CUBN: variants seen among roughly 807,000 people sequenced by gnomAD.
CUBN encodes the protein cubilin, also known as 460 kDa receptor.
In CUBN, 282 loss-of-function variants were observed where a neutral mutation model predicts 405.3. The observed-to-expected ratio is 0.70, with a 90% confidence interval of 0.63 to 0.77. The LOEUF (loss-of-function observed/expected upper bound fraction) is 0.77. CUBN is among the 30% of genes least tolerant of loss of function. The pLI is 0.00. For missense variants in CUBN, 4,514 were observed against 4,475.2 expected (o/e 1.01, Z -0.25); for synonymous variants, 1,684 against 1,617.0 (o/e 1.04, Z -0.99).
intron 6 of CUBN, among the ~76,000 whole-genome samples, chr10:17,119,430 C>T (rs1300570051): frequency 6.6e-6 from 1 of 152,100 alleles, no homozygotes; most frequent in African/African-American, 2.4e-5. Flanking sequence ...GTGGCTGAAG[C>T]GGGCAGATCA....
rs1328757937 is a variant in CUBN at position 16,919,967 on chromosome 10, G to T, written c.6817C>A (p.Pro2273Thr). Residue 2273 changes from proline (P) to threonine (T), a missense_variant, in exon 44 of 67, where the codon CCC becomes ACC. Pro to Thr is a conservative substitution (Grantham distance 38). Around this residue, in one of 5 missense-constraint regions of CUBN, gnomAD observed 1,613 missense variants for 1,542.8 expected, o/e 1.05. Coordinates refer to ENST00000377833, the MANE Select transcript of CUBN (RefSeq NM_001081.4). ...ATGAAAATGGAAGTGACATACTTGGGTGTTACTTCAATATCGAATCGATCT... is the reference window on the plus strand; with the variant it reads ...ATGAAAATGGAAGTGACATACTTGGTTGTTACTTCAATATCGAATCGATCT... ...FEDRFDIEVT[P>T]NCTSNYLELR... The T allele has an allele frequency of 1.9e-6, 3 of 1,612,754 alleles. No individual in the cohort carries two copies. The highest frequency in any genetic ancestry group is 3.3e-5 in the Admixed American group (2 of 59,984).
At chr10:17,000,916 G>A (rs775160815) in intron 28 of CUBN, among the ~76,000 whole-genome samples, 2 of 152,160 alleles carry the variant, frequency 1.3e-5, no homozygotes, top group African/African-American at 2.4e-5. Flanking sequence ...TCTTGGTCTC[G>A]CTGACTTCAA....
intron 63 of CUBN, 78 bp downstream of exon 63, chr10:16,836,157 G>T: frequency 1.5e-6 from 2 of 1,374,940 alleles, no homozygotes; most frequent in East Asian, 4.6e-5. Flanking sequence ...GTCAATTCTA[G>T]AAATAATTGT....
rs1042802843 is a variant in CUBN at position 16,869,569 on chromosome 10, G to A, written c.9454+67C>T. 289 of 1,043,206 alleles carry A rather than the reference G, an allele frequency of 2.8e-4. No homozygotes were observed. The African/African-American group carries it at 4.2e-3, about 15-fold the overall frequency. 64.6% of individuals were successfully genotyped at this position (1,043,206 alleles called of 1,614,324 possible). The stretch of plus-strand genomic sequence containing the variant: ...AATCAGGTGGGGGTGGGGGGGGGGC[G>A]GGGAAATTAAATAAAGCAGAAAGGT... On this transcript the variant is annotated intron_variant, in intron 59 of 66. Coordinates refer to ENST00000377833, the MANE Select transcript of CUBN (RefSeq NM_001081.4).
rs1301102404 is a variant in CUBN, at chr10:16,952,341, G to T, written c.4904C>A (p.Pro1635Gln). ...LTSSFDTVSS[P>Q]RFPANYPNNQ... ...GTTTGGATAATTGGCAGGGAACCGT[G>T]GAGAGGAAACAGTATCAAATGAGCT... The change falls in exon 33 of 67, where the codon CCA becomes CAA. Residue 1635 changes from proline to glutamine, a missense_variant. By Grantham distance (76) the Pro-to-Gln change is moderately conservative. Coordinates refer to ENST00000377833, the MANE Select transcript of CUBN (RefSeq NM_001081.4). 6.2e-7 allele frequency: 1 copy of T among 1,613,866 alleles called. No individual in the cohort carries two copies. Among genetic ancestry groups the T allele is most frequent in the African/African-American group, 1.3e-5 (1 of 74,928 alleles).
chr10:17,090,408 A>G (rs995357193), intron 14 of CUBN, among the ~76,000 whole-genome samples: 5 of 149,314 alleles, frequency 3.3e-5, no homozygotes, highest in Non-Finnish European at 6.0e-5. Context: ...AAGGGACAGG[A>G]AAAAAAAAAG....
intron 22 of CUBN, among the ~76,000 whole-genome samples, chr10:17,061,027 C>G (rs550800348): frequency 5.3e-5 from 8 of 152,182 alleles, no homozygotes; most frequent in African/African-American, 1.7e-4. Context: ...CCAGCCTGGG[C>G]AACAAGAGTG....
rs753571989 is a variant in CUBN at position 16,836,331 on chromosome 10, G to A, written c.10084C>T (p.Pro3362Ser). Residue 3362 changes from proline (P) to serine (S), a missense_variant, in exon 63 of 67, where the codon CCA (proline) becomes TCA (serine). By Grantham distance (74) the Pro-to-Ser change is moderately conservative (BLOSUM62 -1). Coordinates refer to ENST00000377833, the MANE Select transcript of CUBN (RefSeq NM_001081.4). ...GTACTCATAGAAGAATAAAACACTG[G>A]CACAGCCGAAGCATTTCTGCCACAG... ...QFCGRNASAV[P>S]VFYSSMSTAM... 17 of 1,613,622 alleles carry A rather than the reference G, an allele frequency of 1.1e-5. No individual in the cohort carries two copies. The highest frequency in any genetic ancestry group is 3.3e-5 in the Admixed American group (2 of 59,996).
intron 58 of CUBN, 150 bp from the exon 59 acceptor site, chr10:16,870,003 C>T (rs1025245806): frequency 5.4e-5 from 37 of 689,400 alleles, no homozygotes; most frequent in Non-Finnish European, 8.6e-5. Context: ...TCAAACAGTA[C>T]TTTACTGATC....
At chr10:17,051,627 A>G (rs1398083959) in intron 22 of CUBN, among the ~76,000 whole-genome samples, 4 of 152,120 alleles carry the variant, frequency 2.6e-5, no homozygotes, top group African/African-American at 9.7e-5. Context: ...CATGAAAATT[A>G]TATAACTTAA....
At chr10:17,031,896 A>G (rs10795439) in intron 27 of CUBN, among the ~76,000 whole-genome samples, 102,793 of 151,968 alleles carry the variant, frequency 0.68, 38,722 homozygotes, top group Non-Finnish European at 0.85. Context: ...TTTACGCTTC[A>G]CTTATTAGAG....
intron 31 of CUBN, among the ~76,000 whole-genome samples, chr10:16,980,374 A>T (rs1219385821): frequency 2.6e-5 from 4 of 152,242 alleles, no homozygotes; most frequent in Non-Finnish European, 2.9e-5. Flanking sequence ...TCATTCTACT[A>T]TAAAGAGAGA....
intron 56 of CUBN, among the ~76,000 whole-genome samples, 184 bp downstream of exon 56, chr10:16,888,233 T>C (rs901323344): frequency 1.3e-5 from 2 of 152,132 alleles, no homozygotes; most frequent in Admixed American, 6.5e-5. Context: ...TACTTAAAAA[T>C]TGCTAAGAGA....
At chr10:16,827,223 C>T (rs886091324) in intron 66 of CUBN, among the ~76,000 whole-genome samples, 25 of 152,130 alleles carry the variant, frequency 1.6e-4, no homozygotes, top group African/African-American at 5.8e-4. Context: ...AGGCCACACT[C>T]GTGCAACGGA....
At chr10:17,016,521 T>A (rs2131775283) in intron 28 of CUBN, among the ~76,000 whole-genome samples, 1 of 152,228 alleles carries the variant, frequency 6.6e-6, no homozygotes, top group Middle Eastern at 3.4e-3. Flanking sequence ...AGATCAAAGG[T>A]TTGCCCTAGA....
intron 59 of CUBN, among the ~76,000 whole-genome samples, chr10:16,866,879 T>C (rs72771378): frequency 0.042 from 6,408 of 152,216 alleles, 195 homozygotes; most frequent in Non-Finnish European, 0.066. Flanking sequence ...CACTACATAT[T>C]TAGTAATTAG....
At chr10:17,058,822 T>C (rs1369509127) in intron 22 of CUBN, among the ~76,000 whole-genome samples, 1 of 152,132 alleles carries the variant, frequency 6.6e-6, no homozygotes, top group African/African-American at 2.4e-5. Flanking sequence ...AGAATGTGTT[T>C]CCATACAAGG....
chr10:16,907,626 A>G lies in CUBN; in HGVS notation c.7587T>C (p.Ser2529=), dbSNP rs1199891308. 5 of 1,612,706 alleles carry G rather than the reference A, an allele frequency of 3.1e-6. No homozygotes were observed. The highest frequency in any genetic ancestry group is 4.2e-6 in the Non-Finnish European group (5 of 1,179,990). ...ATTTAATCTCATTGCTTACATTCAC[A>G]CTACTACACAGTTTCTCTAGCTGGG... is the stretch of plus-strand genomic sequence containing the variant. The part of the protein sequence containing the change: ...NSPQLEKLCS[S]VNVSNEIKSS... Residue 2529 remains serine, a synonymous_variant, in exon 49 of 67, where the codon AGT becomes AGC. Coordinates refer to ENST00000377833, the MANE Select transcript of CUBN (RefSeq NM_001081.4).
chr10:16,866,608 G>A (rs74667046), intron 59 of CUBN, among the ~76,000 whole-genome samples: 1,552 of 152,250 alleles, frequency 0.01, 28 homozygotes, highest in African/African-American at 0.034. Context: ...CTATGAACTC[G>A]GTTAGGAAAA....
Sources: allele counts gnomAD v4.1 joint callset (sites outside exome capture counted in the v4.1 genomes callset), GRCh38; gene constraint gnomAD v4.1.1; regional missense constraint gnomAD v4.1.1; transcripts MANE v1.5; gene names NCBI Gene and HGNC (gene_info 2026-07-23, HGNC 2026-07-21).